HDHD2: variants seen among roughly 807,000 people sequenced by gnomAD.
HDHD2 encodes haloacid dehalogenase like hydrolase domain containing 2.
HDHD2 carries 26 observed loss-of-function variants against 24.8 expected under a neutral mutation model. The observed-to-expected ratio is 1.05, with a 90% CI of 0.77 to 1.45. The LOEUF (loss-of-function observed/expected upper bound fraction) is 1.45. Ranked by LOEUF, HDHD2 falls within the 40% of genes most tolerant of loss-of-function variation. The pLI, the probability that HDHD2 is intolerant of heterozygous loss-of-function variation, is 0.00. For missense variants in HDHD2, 299 were observed against 313.4 expected, an observed-to-expected ratio of 0.95 and a Z score of 0.35; for synonymous variants, 128 against 114.9, an observed-to-expected ratio of 1.11 and a Z score of -0.73.
At chr18:47,112,473 T>C (rs1273628284) in intron 6 of HDHD2, among the ~76,000 whole-genome samples, 3 of 152,208 alleles carry the variant, frequency 2.0e-5, no homozygotes, top group Non-Finnish European at 2.9e-5. Flanking sequence ...AACCTAATTG[T>C]GCAGGAAATA....
intron 1 of HDHD2, chr18:47,137,175 T>C (rs2063774536): frequency 1.4e-6 from 1 of 708,310 alleles, no homozygotes; most frequent in Non-Finnish European, 2.6e-6. Flanking sequence ...TGACAGGGAT[T>C]GTCAATGAGG....
In HDHD2 at chr18:47,107,553, T is replaced by A. The variant is rs2063485003; in HGVS notation, c.*1129A>T. On this transcript the variant is annotated 3_prime_UTR_variant, in exon 7 of 7. Coordinates refer to ENST00000300605, the MANE Select transcript of HDHD2 (RefSeq NM_032124.5). ...ACAATGATGTACAATTACATCCTAA[T>A]AATTCAATGCCCAAGAGCCCTGTAG... The A allele has an allele frequency of 6.6e-6, 1 of 152,582 alleles. No homozygotes were observed. Among genetic ancestry groups the A allele is most frequent in the Non-Finnish European group, 1.5e-5 (1 of 68,032 alleles). 9.5% of individuals were successfully genotyped at this position (152,582 alleles called of 1,614,324 possible). A position where few individuals can be genotyped will look rare whatever the true frequency, so the allele number is the denominator to read the frequency against.
chr18:47,138,936 C>T (rs1051679130), intron 1 of HDHD2, among the ~76,000 whole-genome samples: 9 of 152,180 alleles, frequency 5.9e-5, no homozygotes, highest in South Asian at 2.1e-4. Context: ...GACACAGTTG[C>T]GCATACTTCA....
intron 6 of HDHD2, chr18:47,109,770 CT>C (rs2063500949): frequency 5.8e-6 from 1 of 171,284 alleles, no homozygotes; most frequent in Admixed American, 6.5e-5. Context: ...TCACCTTGTT[CT>C]TTGCCTCCAC....
chr18:47,139,012 A>G (rs1228122936), intron 1 of HDHD2, among the ~76,000 whole-genome samples: 1 of 152,168 alleles, frequency 6.6e-6, no homozygotes, highest in Non-Finnish European at 1.5e-5. Flanking sequence ...AGCTGATCAC[A>G]TGGAGGCTGA....
At chr18:47,140,449 G>C (rs1289073617) in intron 1 of HDHD2, among the ~76,000 whole-genome samples, 1 of 152,084 alleles carries the variant, frequency 6.6e-6, no homozygotes, top group Non-Finnish European at 1.5e-5. Flanking sequence ...TTTTCTAACA[G>C]TTTGGTGTTG....
chr18:47,135,883 AT>A (rs2063761345), intron 2 of HDHD2, among the ~76,000 whole-genome samples: 1 of 152,214 alleles, frequency 6.6e-6, no homozygotes, highest in African/African-American at 2.4e-5. Context: ...GTTGATGGAA[AT>A]AACACAAAAA....
intron 4 of HDHD2, among the ~76,000 whole-genome samples, chr18:47,127,326 A>G (rs1229671946): frequency 6.6e-6 from 1 of 152,238 alleles, no homozygotes; most frequent in Non-Finnish European, 1.5e-5. Context: ...GCATGTTACT[A>G]TATAGTATAT....
intron 2 of HDHD2, among the ~76,000 whole-genome samples, chr18:47,135,273 T>TC (rs1300092560): frequency 6.6e-6 from 1 of 150,650 alleles, no homozygotes; most frequent in African/African-American, 2.4e-5. Flanking sequence ...TTTTTTTTTT[T>TC]TTTTTGAGAC....
chr18:47,144,499 T>A (rs377480899), intron 1 of HDHD2, among the ~76,000 whole-genome samples: 10 of 152,096 alleles, frequency 6.6e-5, no homozygotes, highest in African/African-American at 2.4e-4. Context: ...CAGACCAAAT[T>A]CACATTACCT....
chr18:47,146,144 G>A (rs1599972306), intron 1 of HDHD2, among the ~76,000 whole-genome samples: 3 of 150,240 alleles, frequency 2.0e-5, no homozygotes, highest in East Asian at 2.0e-4. Context: ...AAGGAGAATC[G>A]CTTAAACCTG....
At chr18:47,133,224 C>T (rs1051940930) in intron 3 of HDHD2, among the ~76,000 whole-genome samples, 67 of 151,844 alleles carry the variant, frequency 4.4e-4, no homozygotes, top group African/African-American at 1.5e-3. Flanking sequence ...CAATTCCCAC[C>T]TATGAGTGAG....
At chr18:47,114,043 A>T (rs998276668) in intron 5 of HDHD2, among the ~76,000 whole-genome samples, 1 of 152,186 alleles carries the variant, frequency 6.6e-6, no homozygotes, top group East Asian at 1.9e-4. Flanking sequence ...CAGGGCCAGC[A>T]ACTCCTGGGA....
intron 1 of HDHD2, among the ~76,000 whole-genome samples, chr18:47,141,111 T>C (rs560433861): frequency 1.8e-4 from 28 of 152,328 alleles, no homozygotes; most frequent in African/African-American, 6.3e-4. Context: ...TCTGCTGATA[T>C]TTCAGCCATT....
At chr18:47,144,860 A>G (rs1046937489) in intron 1 of HDHD2, among the ~76,000 whole-genome samples, 10 of 151,952 alleles carry the variant, frequency 6.6e-5, no homozygotes, top group Non-Finnish European at 1.3e-4. Context: ...AAGAAATCAA[A>G]TTATAAGAAT....
Position 47,113,043 on chromosome 18 carries a change from A to G in HDHD2, c.613-3T>C. On this transcript the variant is annotated splice_polypyrimidine_tract_variant and splice_region_variant and intron_variant, in intron 5 of 6. Transcript: ENST00000300605. ...CCACCAACATCATCCCTGCAATCCTAGAAAAGCATAAAGAAAGCATTTAGT... is the reference window on the plus strand; with the variant it reads ...CCACCAACATCATCCCTGCAATCCTGGAAAAGCATAAAGAAAGCATTTAGT... 1 of 1,613,962 alleles carries G rather than the reference A, an allele frequency of 6.2e-7. No individual in the cohort carries two copies. Among genetic ancestry groups the G allele is most frequent in the Non-Finnish European group, 8.5e-7 (1 of 1,179,820 alleles).
intron 4 of HDHD2, among the ~76,000 whole-genome samples, chr18:47,121,622 C>T (rs575013468): frequency 6.6e-6 from 1 of 152,276 alleles, no homozygotes; most frequent in East Asian, 1.9e-4. Flanking sequence ...ATGTCCCTCC[C>T]CTGCTCAAAA....
chr18:47,108,903 C>T, intron 6 of HDHD2, 118 bp from the exon 7 acceptor site: 1 of 620,794 alleles, frequency 1.6e-6, no homozygotes, highest in African/African-American at 1.9e-5. Context: ...GAATCAGGGG[C>T]TGCACATCTC....
At chr18:47,118,268 A>G (rs2063573100) in intron 4 of HDHD2, among the ~76,000 whole-genome samples, 1 of 152,214 alleles carries the variant, frequency 6.6e-6, no homozygotes, top group African/African-American at 2.4e-5. Context: ...CCAAAGGAAT[A>G]TAGATCATTC....
Sources: allele counts gnomAD v4.1 joint callset (sites outside exome capture counted in the v4.1 genomes callset), GRCh38; gene constraint gnomAD v4.1.1; transcripts MANE v1.5; gene names NCBI Gene and HGNC (gene_info 2026-07-23, HGNC 2026-07-21).